Variants in PCDHA9 observed in about 807,000 individuals in gnomAD.
PCDHA9 encodes protocadherin alpha 9, also known as protocadherin alpha-9.
Under a neutral mutation model 62.0 loss-of-function variants are expected in PCDHA9, and 62 were observed. The ratio of observed to expected loss-of-function variants is 1.00; its 90% confidence interval spans 0.81 to 1.23. PCDHA9 has a LOEUF of 1.23. PCDHA9 is among the 50% of genes most tolerant of loss of function. The pLI is 0.00. For synonymous variants in PCDHA9, 557 were observed against 567.6 expected (o/e 0.98, Z 0.27); for missense variants, 1,205 against 1,249.8 (o/e 0.96, Z 0.54).
chr5:140,929,443 T>C, intron 1 of PCDHA9: 1 of 1,426,882 alleles, frequency 7.0e-7, no homozygotes, highest in Non-Finnish European at 9.3e-7. Flanking sequence ...AAACACTCCT[T>C]CTTAGCACTT....
intron 1 of PCDHA9, among the ~76,000 whole-genome samples, chr5:140,961,726 A>ACAAT (rs1470566144): frequency 1.4e-4 from 21 of 152,270 alleles, no homozygotes; most frequent in African/African-American, 4.8e-4. Flanking sequence ...GTGCTCATAA[A>ACAAT]CAATCACTTT....
At chr5:140,891,100 G>T (rs544877951) in intron 1 of PCDHA9, among the ~76,000 whole-genome samples, 1 of 152,206 alleles carries the variant, frequency 6.6e-6, no homozygotes, top group East Asian at 1.9e-4. Context: ...TTGCTGTCAA[G>T]AATTTAGCTG....
chr5:140,848,867 G>A lies in PCDHA9; in HGVS notation c.372G>A (p.Lys124=). Residue 124 remains lysine (K), a synonymous_variant, in exon 1 of 4, where the codon AAG becomes AAA. Transcript: ENST00000532602. ...LQVFHVDVEV[K]DINDNPPVFP... is the part of the protein sequence containing the mutation. ...TTTTCCATGTGGACGTGGAGGTGAA[G>A]GACATTAACGACAACCCTCCAGTGT... is the stretch of plus-strand genomic sequence containing the variant. 1 of 1,590,766 alleles carries A rather than the reference G, an allele frequency of 6.3e-7. No individual in the cohort carries two copies. Among genetic ancestry groups the A allele is most frequent in the Non-Finnish European group, 8.6e-7 (1 of 1,162,378 alleles).
Position 140,884,686 on chromosome 5 carries a change from G to C in PCDHA9, c.2394+33797G>C, listed in dbSNP as rs376199469. 72 of 1,538,980 alleles carry C rather than the reference G, an allele frequency of 4.7e-5. No homozygotes were observed. The African/African-American group carries it at 8.7e-4, about 19-fold the overall frequency. ...AGGTAAGCTTATATTTTAAAAAATT[G>C]TCTTAGTAAACACTTTAGCCTTCCT... On this transcript the variant is annotated intron_variant, in intron 1 of 3. Transcript: ENST00000532602.
chr5:140,858,371 C>G, intron 1 of PCDHA9: 1 of 1,588,766 alleles, frequency 6.3e-7, no homozygotes, highest in Non-Finnish European at 8.6e-7. Context: ...CCCCAGCCTT[C>G]CACCATGCCC....
At position 140,850,822 on chromosome 5, in the gene PCDHA9, T is replaced by C. The variant is rs2150499747; in HGVS notation, c.2327T>C (p.Leu776Pro). The C allele has an allele frequency of 2.5e-6, 4 of 1,598,166 alleles. No individual in the cohort carries two copies. Among genetic ancestry groups the C allele is most frequent in the Non-Finnish European group, 3.4e-6 (4 of 1,167,538 alleles). Residue 776 changes from leucine to proline, a missense_variant, in exon 1 of 4, where the codon CTT (leucine) becomes CCT (proline). By Grantham distance (98) the Leu-to-Pro change is moderately conservative (BLOSUM62 -3). Coordinates refer to ENST00000532602, the MANE Select transcript of PCDHA9 (RefSeq NM_031857.2). ...KTDLMAFSPG[L>P]SPCAGSTERT... is the part of the protein sequence containing the mutation. ...GACCTCATGGCCTTCAGCCCGGGCCTTTCTCCTTGTGCTGGATCTACAGAG... is the reference window on the plus strand; with the variant it reads ...GACCTCATGGCCTTCAGCCCGGGCCCTTCTCCTTGTGCTGGATCTACAGAG...
chr5:140,968,652 ACCTGGACCT>A lies in PCDHA9; in HGVS notation c.2395-10295_2395-10287del, dbSNP rs1332508740. The A allele has an allele frequency of 1.9e-6, 3 of 1,614,000 alleles. No homozygotes were observed. In the African/African-American group the frequency reaches 4.0e-5, roughly 22 times the overall value. On this transcript the variant is annotated intron_variant, in intron 1 of 3. Transcript: ENST00000532602. ...TTTTACCATCTAGCCCAGACTTCTGACCTGGACCTCTTTAAGGTAGAGCTGCACACAGGA... is the reference window on the plus strand; with the variant it reads ...TTTTACCATCTAGCCCAGACTTCTGACTTTAAGGTAGAGCTGCACACAGGA...
intron 1 of PCDHA9, chr5:140,863,368 C>A (rs1562578744): frequency 8.4e-7 from 1 of 1,192,682 alleles, no homozygotes; most frequent in Non-Finnish European, 1.2e-6. Flanking sequence ...GTGCTTGGCG[C>A]AGCTCACCGA....
intron 1 of PCDHA9, among the ~76,000 whole-genome samples, chr5:140,976,091 C>CAACTTTTCAA (rs2096700073): frequency 6.6e-6 from 1 of 152,166 alleles, no homozygotes; most frequent in Non-Finnish European, 1.5e-5. Flanking sequence ...TATCAGTAGT[C>CAACTTTTCAA]AACTTTTCAA....
chr5:140,858,599 T>C (rs2045504873), intron 1 of PCDHA9: 1 of 1,295,538 alleles, frequency 7.7e-7, no homozygotes, highest in Non-Finnish European at 1.1e-6. Flanking sequence ...TCCAGGAGTT[T>C]TAAAATTTTT....
intron 1 of PCDHA9, among the ~76,000 whole-genome samples, chr5:140,923,065 TCTC>T: frequency 6.6e-6 from 1 of 152,304 alleles, no homozygotes; most frequent in Non-Finnish European, 1.5e-5. Context: ...AAGAGCTAGG[TCTC>T]CTCATGTCAG....
intron 1 of PCDHA9, among the ~76,000 whole-genome samples, chr5:140,971,942 C>A (rs2153791969): frequency 6.6e-6 from 1 of 152,140 alleles, no homozygotes; most frequent in Middle Eastern, 3.4e-3. Flanking sequence ...AAGTTGTATC[C>A]ATCTGACTCC....
chr5:140,968,287 C>T lies in PCDHA9; in HGVS notation c.2395-10662C>T, dbSNP rs7712041. Reference sequence around the variant, plus strand: ...AGGAGAATGCAGAGGTGACCTACTCCCTTCTGGAGAGGGAGATTCAAGGGC... The same window carrying T: ...AGGAGAATGCAGAGGTGACCTACTCTCTTCTGGAGAGGGAGATTCAAGGGC... On this transcript the variant is annotated intron_variant, in intron 1 of 3. Coordinates refer to ENST00000532602, the MANE Select transcript of PCDHA9 (RefSeq NM_031857.2). The T allele has an allele frequency of 2.5e-3, 4,093 of 1,613,902 alleles. 64 individuals are homozygous for T. In the African/African-American group the frequency reaches 0.039, roughly 16 times the overall value.
intron 1 of PCDHA9, among the ~76,000 whole-genome samples, chr5:140,944,925 A>T (rs1457519692): frequency 6.6e-6 from 1 of 152,158 alleles, no homozygotes; most frequent in African/African-American, 2.4e-5. Flanking sequence ...ATATTGGTTT[A>T]TGCCTTCTTT....
At chr5:140,979,836 T>C (rs1463731318) in intron 2 of PCDHA9, among the ~76,000 whole-genome samples, 2 of 152,216 alleles carry the variant, frequency 1.3e-5, no homozygotes, top group Non-Finnish European at 2.9e-5. Flanking sequence ...GAAGAAATAA[T>C]CTTCAAACTT....
chr5:140,886,844 A>G (rs11748231), intron 1 of PCDHA9, among the ~76,000 whole-genome samples: 22,325 of 150,652 alleles, frequency 0.15, 1,711 homozygotes, highest in Middle Eastern at 0.2. Context: ...AAAAAAAAAA[A>G]AAAGAAAGGT....
At chr5:140,884,456 G>T in intron 1 of PCDHA9, 2 of 1,613,768 alleles carry the variant, frequency 1.2e-6, no homozygotes, top group Non-Finnish European at 1.7e-6. Context: ...GCCCACCGAG[G>T]GCGCGTGCGC....
chr5:140,958,135 G>A (rs868969031), intron 1 of PCDHA9, among the ~76,000 whole-genome samples: 1 of 152,036 alleles, frequency 6.6e-6, no homozygotes, highest in Non-Finnish European at 1.5e-5. Flanking sequence ...GTATCAGTGT[G>A]TATATTTATA....
rs1316555766 is a variant in PCDHA9, at chr5:141,011,101, T to C, written c.*1164T>C. 1.3e-5 allele frequency: 2 copies of C among 153,710 alleles called. No homozygotes were observed. The highest frequency in any genetic ancestry group is 2.9e-5 in the Non-Finnish European group (2 of 68,016). The allele number at this position is 153,710 out of a possible 1,614,324, so 9.5% of individuals were successfully genotyped here. A position where few individuals can be genotyped will look rare whatever the true frequency, so the allele number is the denominator to read the frequency against. On this transcript the variant is annotated 3_prime_UTR_variant, in exon 4 of 4. Coordinates refer to ENST00000532602, the MANE Select transcript of PCDHA9 (RefSeq NM_031857.2). ...AATGATCTCTCTTTCTCTCTCTCTC[T>C]CTCTTTTCTAAGAAACAATTATGTG...
Sources: gnomAD v4.1 joint callset for allele counts (sites outside exome capture counted in the v4.1 genomes callset) on GRCh38, gnomAD v4.1.1 for gene constraint, MANE v1.5 for transcripts, NCBI Gene and HGNC (gene_info 2026-07-23, HGNC 2026-07-21) for gene names.